CD109: variants seen among roughly 807,000 people sequenced by gnomAD.
CD109 encodes CD109 molecule.
CD109 carries 149 observed loss-of-function variants against 165.8 expected under a neutral mutation model. The ratio of observed to expected loss-of-function variants is 0.90; its 90% CI spans 0.79 to 1.03. The LOEUF (loss-of-function observed/expected upper bound fraction) is 1.03, where lower values mean the gene tolerates loss of function less well. Among genes scored for constraint, CD109 ranks in the 50% least tolerant of loss-of-function variants. The pLI, the probability that CD109 is intolerant of heterozygous loss-of-function variation, is 0.00. For missense variants in CD109, 1,712 were observed against 1,677.8 expected (o/e 1.02, Z -0.36); for synonymous variants, 585 against 592.1 (o/e 0.99, Z 0.18).
chr6:73,682,652 C>T, the CD109 span, among the ~76,000 whole-genome samples: 2 of 152,238 alleles, frequency 1.3e-5, no homozygotes, highest in Non-Finnish European at 1.5e-5. Flanking sequence ...TGTGTGGGGG[C>T]TCCCATCCCC....
intron 24 of CD109, 79 bp from the exon 25 acceptor site, chr6:73,806,762 GTGT>G (rs1468895884): frequency 7.8e-6 from 7 of 898,986 alleles, no homozygotes; most frequent in Admixed American, 5.1e-5. Flanking sequence ...GGGGGAAAAA[GTGT>G]TGTTGTTTTG....
chr6:73,764,843 C>T (rs145198588), intron 10 of CD109, among the ~76,000 whole-genome samples: 2 of 146,754 alleles, frequency 1.4e-5, no homozygotes, highest in African/African-American at 2.5e-5. Context: ...ACAACTAAAA[C>T]GACAAAGAAA....
At chr6:73,738,042 A>G (rs1427900199) in intron 5 of CD109, among the ~76,000 whole-genome samples, 1 of 152,172 alleles carries the variant, frequency 6.6e-6, no homozygotes, top group East Asian at 1.9e-4. Flanking sequence ...TATGACCTCC[A>G]TTTTCAAAGG....
At chr6:73,783,601 A>T in intron 18 of CD109, 106 bp from the exon 19 acceptor site, 1 of 702,514 alleles carries the variant, frequency 1.4e-6, no homozygotes, top group Non-Finnish European at 2.5e-6. Context: ...TGTAAACAAT[A>T]GGAAAAATTG....
intron 15 of CD109, among the ~76,000 whole-genome samples, chr6:73,777,032 C>CACT (rs1774274856): frequency 7.4e-6 from 1 of 134,746 alleles, no homozygotes; most frequent in Non-Finnish European, 1.6e-5. Context: ...TTGTTGCCCA[C>CACT]GCTGCAACCT....
chr6:73,707,533 G>A (rs1771327530), intron 2 of CD109, among the ~76,000 whole-genome samples: 1 of 152,096 alleles, frequency 6.6e-6, no homozygotes, highest in Non-Finnish European at 1.5e-5. Context: ...GGGTGCTCAG[G>A]AACCACACTG....
At chr6:73,683,986 G>T in the CD109 span, among the ~76,000 whole-genome samples, 2 of 152,140 alleles carry the variant, frequency 1.3e-5, no homozygotes, top group South Asian at 2.1e-4. Context: ...TTTGGGTGGG[G>T]ACACAGCCAA....
At chr6:73,719,044 CA>C (rs1314056741) in intron 2 of CD109, among the ~76,000 whole-genome samples, 14 of 151,906 alleles carry the variant, frequency 9.2e-5, no homozygotes, top group African/African-American at 3.4e-4. Context: ...TTATTTAACC[CA>C]ATAATTTACA....
chr6:73,793,622 A>T (rs1477110790), intron 23 of CD109, among the ~76,000 whole-genome samples: 1 of 152,252 alleles, frequency 6.6e-6, no homozygotes, highest in African/African-American at 2.4e-5. Flanking sequence ...TATGCTCTTG[A>T]CATCCATACC....
intron 3 of CD109, 109 bp from the exon 4 acceptor site, chr6:73,730,235 G>T: frequency 2.8e-6 from 2 of 715,686 alleles, no homozygotes; most frequent in South Asian, 3.7e-5. Context: ...CAACATCGCA[G>T]TTACTTTTGA....
chr6:73,705,860 A>T (rs1450532100), intron 2 of CD109, among the ~76,000 whole-genome samples: 1 of 152,174 alleles, frequency 6.6e-6, no homozygotes, highest in Non-Finnish European at 1.5e-5. Flanking sequence ...ATTTGAGGGA[A>T]TAAATGGATG....
intron 14 of CD109, among the ~76,000 whole-genome samples, chr6:73,769,053 C>G (rs1446982782): frequency 6.6e-6 from 1 of 151,846 alleles, no homozygotes; most frequent in Non-Finnish European, 1.5e-5. Context: ...ATAAGACTGG[C>G]TAATTTTTGT....
chr6:73,738,775 C>T (rs772875160), intron 5 of CD109, among the ~76,000 whole-genome samples: 3 of 152,166 alleles, frequency 2.0e-5, no homozygotes, highest in Non-Finnish European at 2.9e-5. Flanking sequence ...CATCTTATGT[C>T]CCTTAAGTTT....
Position 73,825,742 on chromosome 6 carries a change from G to A in CD109, c.*2109G>A, listed in dbSNP as rs1027927750. 1.3e-5 allele frequency: 2 copies of A among 152,208 alleles called. No homozygotes were observed. Among genetic ancestry groups the A allele is most frequent in the African/African-American group, 4.8e-5 (2 of 41,442 alleles). The allele number at this position is 152,208 out of a possible 1,614,324, so 9.4% of individuals were successfully genotyped here. ...TGCCTGTAATCCCAGCACTCTGGGAGGCTGAGGCGGGTGAATCACAAGGTT... is the reference window on the plus strand; with the variant it reads ...TGCCTGTAATCCCAGCACTCTGGGAAGCTGAGGCGGGTGAATCACAAGGTT... On this transcript the variant is annotated 3_prime_UTR_variant, in exon 33 of 33. Coordinates refer to ENST00000287097, the MANE Select transcript of CD109 (RefSeq NM_133493.5).
At chr6:73,698,650 G>A (rs1289894453) in intron 2 of CD109, among the ~76,000 whole-genome samples, 1 of 152,188 alleles carries the variant, frequency 6.6e-6, no homozygotes, top group Non-Finnish European at 1.5e-5. Flanking sequence ...TGCATCTGTG[G>A]TTCTTTCCCC....
intron 1 of CD109, 21 bp downstream of exon 1, chr6:73,696,310 GGGGCGCGC>G (rs769733493): frequency 3.1e-5 from 44 of 1,404,292 alleles, no homozygotes; most frequent in East Asian, 8.3e-5. Flanking sequence ...GGGCGCGCGG[GGGGCGCGC>G]GGGCGCGCGG....
At chr6:73,736,566 G>A in intron 5 of CD109, 58 bp downstream of exon 5, 2 of 1,458,382 alleles carry the variant, frequency 1.4e-6, no homozygotes, top group Non-Finnish European at 1.9e-6. Context: ...AGGTCAGGTG[G>A]GGGAAAATCT....
At chr6:73,702,898 A>C (rs1420766628) in intron 2 of CD109, among the ~76,000 whole-genome samples, 1 of 152,218 alleles carries the variant, frequency 6.6e-6, no homozygotes, top group African/African-American at 2.4e-5. Flanking sequence ...GGCAATTATT[A>C]ATCACCTATT....
intron 23 of CD109, among the ~76,000 whole-genome samples, chr6:73,797,190 C>T (rs191713277): frequency 2.0e-4 from 30 of 152,114 alleles, no homozygotes; most frequent in Non-Finnish European, 1.5e-4. Flanking sequence ...TTTTGTTGGT[C>T]GAAACAACAG....
Sources: allele counts gnomAD v4.1 joint callset (sites outside exome capture counted in the v4.1 genomes callset), GRCh38; gene constraint gnomAD v4.1.1; transcripts MANE v1.5; gene names NCBI Gene and HGNC (gene_info 2026-07-23, HGNC 2026-07-21).